Variants in FGF14 observed in about 807,000 individuals in gnomAD.
FGF14 encodes the protein fibroblast growth factor 14.
A neutral mutation model predicts 25.5 loss-of-function variants in FGF14; 5 were observed. That is an observed-to-expected ratio of 0.20 (90% CI 0.10 to 0.41). The LOEUF (loss-of-function observed/expected upper bound fraction) is 0.41, where lower values mean the gene tolerates loss of function less well. FGF14 is among the 10% of genes least tolerant of loss of function. FGF14 has a pLI of 1.00. For synonymous variants in FGF14, 138 were observed against 118.3 expected (o/e 1.17, Z -1.08); for missense variants, 222 against 320.1 (o/e 0.69, Z 2.34).
chr13:101,744,852 G>A (rs908060980), intron 3 of FGF14, among the ~76,000 whole-genome samples: 9 of 152,004 alleles, frequency 5.9e-5, no homozygotes, highest in African/African-American at 2.2e-4. Flanking sequence ...CCTTGTGCTA[G>A]ACTCTCTTCT....
At chr13:102,258,978 A>AT (rs1251865011) in intron 1 of FGF14, among the ~76,000 whole-genome samples, 2 of 152,152 alleles carry the variant, frequency 1.3e-5, no homozygotes, top group South Asian at 2.1e-4. Context: ...CTGTATGTGT[A>AT]TTTTTTCTAG....
chr13:102,379,570 G>C (rs934187088), intron 1 of FGF14, among the ~76,000 whole-genome samples: 2 of 151,778 alleles, frequency 1.3e-5, no homozygotes, highest in Non-Finnish European at 2.9e-5. Context: ...TATGCAAAGA[G>C]AGAAAGAGAG....
chr13:102,018,105 T>C (rs2040441391), intron 1 of FGF14, among the ~76,000 whole-genome samples: 1 of 152,164 alleles, frequency 6.6e-6, no homozygotes, highest in African/African-American at 2.4e-5. Flanking sequence ...TCTTAAAAAG[T>C]TTGGTGACTC....
chr13:101,766,717 T>C (rs2038422964), intron 3 of FGF14, among the ~76,000 whole-genome samples: 1 of 152,150 alleles, frequency 6.6e-6, no homozygotes, highest in African/African-American at 2.4e-5. Context: ...AATAAGGTCA[T>C]AGTAGTTTAG....
chr13:101,855,186 T>C (rs1265987375), intron 3 of FGF14, among the ~76,000 whole-genome samples: 2 of 152,040 alleles, frequency 1.3e-5, no homozygotes, highest in African/African-American at 2.4e-5. Flanking sequence ...ACATTAATGA[T>C]AATAATTTCT....
At position 101,998,335 on chromosome 13, in the gene FGF14, CT is replaced by C. The variant is rs200811101; in HGVS notation, c.209-123040del. 7.5e-3 allele frequency among the ~76,000 whole-genome samples: 1,138 copies of C among 152,062 alleles called. 15 individuals carry two copies. The highest frequency in any genetic ancestry group is 0.026 in the African/African-American group (1,066 of 41,472). On this transcript the variant is annotated intron_variant, in intron 1 of 4. Transcript: ENST00000376131. Reference sequence around the variant, plus strand: ...CTCTTTAAATGTTTTCTCTTGGGCCCTTTTTTGATGTATGATTTAAGACCAC... The same window carrying C: ...CTCTTTAAATGTTTTCTCTTGGGCCCTTTTTGATGTATGATTTAAGACCAC...
intron 1 of FGF14, among the ~76,000 whole-genome samples, chr13:101,949,266 G>T (rs575762544): frequency 6.6e-6 from 1 of 152,256 alleles, no homozygotes; most frequent in East Asian, 1.9e-4. Flanking sequence ...ACCTTTCCTG[G>T]TAATAACTCA....
intron 1 of FGF14, among the ~76,000 whole-genome samples, chr13:102,135,894 G>A (rs971001869): frequency 1.3e-5 from 2 of 152,136 alleles, no homozygotes; most frequent in Non-Finnish European, 2.9e-5. Flanking sequence ...GACCTCAAGT[G>A]ATCTACTCAC....
chr13:101,981,804 C>A (rs1157039544), intron 1 of FGF14, among the ~76,000 whole-genome samples: 2 of 152,176 alleles, frequency 1.3e-5, no homozygotes, highest in Admixed American at 6.5e-5. Flanking sequence ...TCTTCAGACT[C>A]CTGGTGAAAC....
In FGF14 at chr13:101,716,051, A is replaced by T. The variant is rs1250366338; in HGVS notation, c.*6780T>A. ...TGTACAGGACAGCCCCCAAACAAGG[A>T]ATTATCCAGCCCCAAATGCCAATAG... On this transcript the variant is annotated 3_prime_UTR_variant, in exon 5 of 5. Transcript: ENST00000376143. The T allele has an allele frequency of 6.4e-6, 1 of 157,008 alleles. No homozygotes were observed. The highest frequency in any genetic ancestry group is 1.4e-5 in the Non-Finnish European group (1 of 71,402). 9.7% of individuals were successfully genotyped at this position (157,008 alleles called of 1,614,324 possible).
intron 1 of FGF14, among the ~76,000 whole-genome samples, chr13:101,954,699 AGTGTGT>A (rs5806259): frequency 0.015 from 2,227 of 150,856 alleles, 58 homozygotes; most frequent in African/African-American, 0.051. Context: ...ATTCACTGAA[AGTGTGT>A]GTGTGTGTGT....
In FGF14 at chr13:101,719,566, A is replaced by AATCT. The variant is rs1555368929; in HGVS notation, c.*3261_*3264dup. On this transcript the variant is annotated 3_prime_UTR_variant, in exon 5 of 5. Transcript: ENST00000376143. ...GTGGTAGCAAAATGTTTTAAAAAGC[A>AATCT]ATCTTATATTAGAAAACAAAAATGT... 6.6e-6 allele frequency: 1 copy of AATCT among 152,138 alleles called. No individual in the cohort carries two copies. Among genetic ancestry groups the AATCT allele is most frequent in the Non-Finnish European group, 1.5e-5 (1 of 68,014 alleles). 9.4% of individuals were successfully genotyped at this position (152,138 alleles called of 1,614,324 possible). A position where few individuals can be genotyped will look rare whatever the true frequency, so the allele number is the denominator to read the frequency against.
At chr13:102,287,857 C>A (rs1199772136) in intron 1 of FGF14, among the ~76,000 whole-genome samples, 1 of 152,170 alleles carries the variant, frequency 6.6e-6, no homozygotes, top group African/African-American at 2.4e-5. Flanking sequence ...ACAGCAGAAA[C>A]TCTCTAATCG....
intron 1 of FGF14, among the ~76,000 whole-genome samples, chr13:101,913,655 CA>C (rs971799809): frequency 2.0e-5 from 3 of 151,938 alleles, no homozygotes; most frequent in Middle Eastern, 3.2e-3. Context: ...CCCAATGGGA[CA>C]ATATTTTTTC....
chr13:102,128,606 G>A (rs2046049675), intron 1 of FGF14, among the ~76,000 whole-genome samples: 1 of 152,178 alleles, frequency 6.6e-6, no homozygotes, highest in South Asian at 2.1e-4. Context: ...ATGAACACAT[G>A]TTATCACTCT....
At chr13:102,016,067 GA>G (rs147779447) in intron 1 of FGF14, among the ~76,000 whole-genome samples, 4,862 of 152,088 alleles carry the variant, frequency 0.032, 249 homozygotes, top group African/African-American at 0.11. Context: ...TAAAATTCAT[GA>G]ATTTTCATGA....
intron 1 of FGF14, among the ~76,000 whole-genome samples, chr13:101,958,682 C>T (rs955987761): frequency 6.6e-6 from 1 of 152,160 alleles, no homozygotes; most frequent in Admixed American, 6.5e-5. Flanking sequence ...CATTTAGAAG[C>T]CAGCCTCACA....
chr13:102,296,261 T>C (rs1053524866), intron 1 of FGF14, among the ~76,000 whole-genome samples: 4 of 152,198 alleles, frequency 2.6e-5, no homozygotes, highest in Admixed American at 1.3e-4. Context: ...TTCCAATAGA[T>C]TGACATAGTG....
intron 1 of FGF14, among the ~76,000 whole-genome samples, chr13:102,240,910 A>T (rs1042113254): frequency 6.6e-6 from 1 of 152,154 alleles, no homozygotes; most frequent in Non-Finnish European, 1.5e-5. Flanking sequence ...AAGGTCCATA[A>T]CATGAAAAGT....
Sources: gnomAD v4.1 joint callset for allele counts (sites outside exome capture counted in the v4.1 genomes callset) on GRCh38, gnomAD v4.1.1 for gene constraint, MANE v1.5 for transcripts, NCBI Gene and HGNC (gene_info 2026-07-23, HGNC 2026-07-21) for gene names.